Variants in FBXL17 observed in about 807,000 individuals in gnomAD.
FBXL17 encodes the protein F-box and leucine rich repeat protein 17.
In FBXL17, 22 loss-of-function variants were observed where a neutral mutation model predicts 66.2. That is an observed-to-expected ratio of 0.33 (90% CI 0.24 to 0.47). The LOEUF (loss-of-function observed/expected upper bound fraction) is 0.47, where lower values mean the gene tolerates loss of function less well. Ranked by LOEUF, FBXL17 falls within the 20% of genes least tolerant of loss-of-function variation. The pLI, the probability that FBXL17 is intolerant of heterozygous loss-of-function variation, is 1.00. For missense variants in FBXL17, 878 were observed against 948.2 expected (o/e 0.93, Z 0.97); for synonymous variants, 474 against 400.5 (o/e 1.18, Z -2.19).
intron 4 of FBXL17, among the ~76,000 whole-genome samples, chr5:108,236,357 C>T (rs1316923975): frequency 6.6e-6 from 1 of 151,468 alleles, no homozygotes; most frequent in Non-Finnish European, 1.5e-5. Context: ...ACTAAAAGTA[C>T]AAAAAATTAG....
intron 6 of FBXL17, among the ~76,000 whole-genome samples, chr5:108,168,261 T>G (rs988036342): frequency 6.6e-5 from 10 of 152,156 alleles, no homozygotes; most frequent in Non-Finnish European, 1.3e-4. Context: ...AACAACCCAG[T>G]TGAATACACC....
intron 5 of FBXL17, among the ~76,000 whole-genome samples, chr5:108,201,920 T>C (rs1357028792): frequency 1.3e-5 from 2 of 151,000 alleles, no homozygotes; most frequent in Non-Finnish European, 2.9e-5. Flanking sequence ...ACTGACCTCA[T>C]GTGTTAGAGA....
chr5:108,179,641 C>T (rs569231398), intron 6 of FBXL17, among the ~76,000 whole-genome samples: 3 of 152,068 alleles, frequency 2.0e-5, no homozygotes, highest in Non-Finnish European at 4.4e-5. Flanking sequence ...TCCTTTACAG[C>T]ACTCTGTTTG....
intron 5 of FBXL17, among the ~76,000 whole-genome samples, chr5:108,223,758 T>C (rs1754974519): frequency 6.6e-6 from 1 of 152,198 alleles, no homozygotes; most frequent in African/African-American, 2.4e-5. Flanking sequence ...GCACTGACCA[T>C]ATTCACTTTT....
chr5:107,867,256 T>C (rs914574745), intron 8 of FBXL17, among the ~76,000 whole-genome samples: 1 of 152,236 alleles, frequency 6.6e-6, no homozygotes, highest in Non-Finnish European at 1.5e-5. Flanking sequence ...TCTGGATACA[T>C]CTTCCCTAGA....
chr5:108,234,236 C>T (rs1489193125), intron 4 of FBXL17, among the ~76,000 whole-genome samples: 1 of 151,984 alleles, frequency 6.6e-6, no homozygotes, highest in African/African-American at 2.4e-5. Flanking sequence ...CACACTCAGC[C>T]GAGGTTTGGG....
chr5:108,372,303 C>T (rs1749094170), intron 1 of FBXL17, among the ~76,000 whole-genome samples: 1 of 152,118 alleles, frequency 6.6e-6, no homozygotes, highest in Admixed American at 6.6e-5. Context: ...CCCCACCAAA[C>T]ATACTAATAT....
chr5:107,996,903 G>A (rs1175768620), intron 7 of FBXL17, among the ~76,000 whole-genome samples: 2 of 152,154 alleles, frequency 1.3e-5, no homozygotes, highest in African/African-American at 4.8e-5. Flanking sequence ...TACCTCTCCT[G>A]GAAAAATGGG....
chr5:108,297,567 T>C (rs1299515700), intron 4 of FBXL17, among the ~76,000 whole-genome samples: 1 of 151,702 alleles, frequency 6.6e-6, no homozygotes, highest in Non-Finnish European at 1.5e-5. Context: ...CATTAACTGT[T>C]TATTCTGTGC....
chr5:108,213,586 C>G (rs989589088), intron 5 of FBXL17, among the ~76,000 whole-genome samples: 2 of 152,146 alleles, frequency 1.3e-5, no homozygotes, highest in South Asian at 4.1e-4. Context: ...CAATGCCCCA[C>G]CCTGCTTCAG....
At chr5:107,951,386 G>T (rs1002004695) in intron 7 of FBXL17, among the ~76,000 whole-genome samples, 1 of 151,336 alleles carries the variant, frequency 6.6e-6, no homozygotes, top group East Asian at 2.0e-4. Flanking sequence ...TTCAGCAACC[G>T]TCACATTGGC....
intron 6 of FBXL17, among the ~76,000 whole-genome samples, chr5:108,035,397 G>A (rs756884825): frequency 6.6e-6 from 1 of 151,850 alleles, no homozygotes; most frequent in Non-Finnish European, 1.5e-5. Context: ...ATGGAGTGTC[G>A]CTTTTGTTGC....
intron 4 of FBXL17, among the ~76,000 whole-genome samples, chr5:108,336,889 T>G (rs778192161): frequency 1.3e-5 from 2 of 152,160 alleles, no homozygotes; most frequent in Non-Finnish European, 2.9e-5. Flanking sequence ...CATATTAAAG[T>G]ATAAATGGTT....
At chr5:108,214,801 AGTC>A (rs1339155652) in intron 5 of FBXL17, among the ~76,000 whole-genome samples, 1 of 152,216 alleles carries the variant, frequency 6.6e-6, no homozygotes, top group Non-Finnish European at 1.5e-5. Context: ...TTCCTACAAA[AGTC>A]ATCCTCATAA....
chr5:108,159,614 C>T lies in FBXL17; in HGVS notation c.1745+26503G>A, dbSNP rs545418418. ...ACCAGACCCCAACAATGCTGGCACT[C>T]TGTTCTTAACTTCCAAGCCTCCAGA... On this transcript the variant is annotated intron_variant, in intron 6 of 8. Coordinates refer to ENST00000542267, the MANE Select transcript of FBXL17 (RefSeq NM_001163315.3). Among the ~76,000 whole-genome samples the T allele has an allele frequency of 2.0e-5, 3 of 152,306 alleles. No individual in the cohort carries two copies. The East Asian group carries it at 5.8e-4, about 29-fold the overall frequency.
chr5:107,872,215 C>A (rs1341473569), intron 8 of FBXL17, among the ~76,000 whole-genome samples: 1 of 152,180 alleles, frequency 6.6e-6, no homozygotes, highest in Non-Finnish European at 1.5e-5. Flanking sequence ...CATTGCAGGG[C>A]TGGGCTCTGA....
chr5:107,890,592 A>G (rs979469261), intron 7 of FBXL17, among the ~76,000 whole-genome samples: 15 of 151,280 alleles, frequency 9.9e-5, no homozygotes, highest in Non-Finnish European at 1.9e-4. Flanking sequence ...TGGGCCTGGG[A>G]GGTGGAGGTT....
At chr5:108,115,020 C>G (rs1028309687) in intron 6 of FBXL17, among the ~76,000 whole-genome samples, 1 of 152,092 alleles carries the variant, frequency 6.6e-6, no homozygotes, top group Non-Finnish European at 1.5e-5. Context: ...TATATAAGAT[C>G]ATAATCCCCA....
chr5:107,922,604 C>T (rs1386980760), intron 7 of FBXL17, among the ~76,000 whole-genome samples: 2 of 152,170 alleles, frequency 1.3e-5, no homozygotes, highest in African/African-American at 2.4e-5. Flanking sequence ...TTTAAACCAA[C>T]ATCTTCTGTC....
Sources: allele counts gnomAD v4.1 joint callset (sites outside exome capture counted in the v4.1 genomes callset), GRCh38; gene constraint gnomAD v4.1.1; transcripts MANE v1.5; gene names NCBI Gene and HGNC (gene_info 2026-07-23, HGNC 2026-07-21).